ZNF609: variants seen among roughly 807,000 people sequenced by gnomAD.
ZNF609 encodes zinc finger protein 609.
Under a neutral mutation model 109.5 loss-of-function variants are expected in ZNF609, and 11 were observed. That is an observed-to-expected ratio of 0.10 (90% confidence interval 0.06 to 0.17). ZNF609 has a LOEUF of 0.17. Among genes scored for constraint, ZNF609 ranks in the 10% least tolerant of loss-of-function variants. The probability of loss-of-function intolerance (pLI) is 1.00; values close to 1 mark genes in which losing one functional copy is unlikely to be tolerated. For missense variants in ZNF609, 1,559 were observed against 1,772.4 expected (o/e 0.88, Z 2.16); for synonymous variants, 646 against 662.0 (o/e 0.98, Z 0.37).
At chr15:64,563,427 G>C (rs930651505) in intron 2 of ZNF609, among the ~76,000 whole-genome samples, 2 of 151,804 alleles carry the variant, frequency 1.3e-5, no homozygotes, top group Non-Finnish European at 2.9e-5. Context: ...CTCCAGCCTG[G>C]GTGGTGGAAC....
At chr15:64,636,310 C>T in intron 3 of ZNF609, among the ~76,000 whole-genome samples, 1 of 152,262 alleles carries the variant, frequency 6.6e-6, no homozygotes, top group East Asian at 1.9e-4. Context: ...GCCTTCACGG[C>T]CTTCTCCATA....
At chr15:64,625,660 G>A (rs747451001) in intron 3 of ZNF609, among the ~76,000 whole-genome samples, 1 of 151,804 alleles carries the variant, frequency 6.6e-6, no homozygotes, top group Non-Finnish European at 1.5e-5. Context: ...GGAGGCCGAG[G>A]CGGGCGGATC....
intron 1 of ZNF609, among the ~76,000 whole-genome samples, chr15:64,461,667 G>T (rs1892942726): frequency 6.6e-6 from 1 of 152,184 alleles, no homozygotes; most frequent in African/African-American, 2.4e-5. Context: ...AGAGATCAGA[G>T]CCCTTCAGGG....
chr15:64,531,400 T>C (rs1357640164), intron 2 of ZNF609, among the ~76,000 whole-genome samples: 1 of 151,854 alleles, frequency 6.6e-6, no homozygotes, highest in African/African-American at 2.4e-5. Flanking sequence ...TTCCAGACAT[T>C]ATTATTATTA....
chr15:64,614,002 C>T (rs1201053055), intron 2 of ZNF609, among the ~76,000 whole-genome samples: 3 of 150,302 alleles, frequency 2.0e-5, no homozygotes, highest in African/African-American at 7.6e-5. Flanking sequence ...CAGCTCACTG[C>T]AACCTCTGCC....
At chr15:64,477,708 A>G (rs1188722509) in intron 1 of ZNF609, among the ~76,000 whole-genome samples, 2 of 150,640 alleles carry the variant, frequency 1.3e-5, no homozygotes, top group Non-Finnish European at 2.9e-5. Flanking sequence ...AGCTCACTGC[A>G]ACATCTAACT....
At chr15:64,463,508 G>A (rs1480396245) in intron 1 of ZNF609, among the ~76,000 whole-genome samples, 1 of 152,176 alleles carries the variant, frequency 6.6e-6, no homozygotes, top group Non-Finnish European at 1.5e-5. Flanking sequence ...TGTGAGTGGG[G>A]AATTGTATAT....
rs1018623802 is a variant in ZNF609, at chr15:64,621,763, CTTTCTT to C, written c.748-1060_748-1055del. ...TTCTGGTTTTGGAAGCAAATTGCTTCTTTCTTTTTTTTTTTTTTTTGAGACGATCTC... is the reference window on the plus strand; with the variant it reads ...TTCTGGTTTTGGAAGCAAATTGCTTCTTTTTTTTTTTTTTGAGACGATCTC... On this transcript the variant is annotated intron_variant, in intron 2 of 9. Coordinates refer to ENST00000326648, the MANE Select transcript of ZNF609 (RefSeq NM_015042.2). Among the ~76,000 whole-genome samples, 9 of 98,236 alleles carry C rather than the reference CTTTCTT, an allele frequency of 9.2e-5. No individual in the cohort carries two copies. The East Asian group carries it at 2.6e-3, about 28-fold the overall frequency. The allele number at this position is 98,236 out of a possible 152,430, so 64.4% of individuals were successfully genotyped here.
intron 1 of ZNF609, among the ~76,000 whole-genome samples, chr15:64,493,850 G>A (rs916639609): frequency 1.3e-5 from 2 of 152,184 alleles, no homozygotes; most frequent in East Asian, 3.8e-4. Context: ...ACCTCTTGGG[G>A]TTAAACATCT....
At chr15:64,669,827 C>G (rs937886094) in intron 3 of ZNF609, among the ~76,000 whole-genome samples, 1 of 152,074 alleles carries the variant, frequency 6.6e-6, no homozygotes, top group African/African-American at 2.4e-5. Context: ...ACCACTATGC[C>G]CAGCTAATTT....
At chr15:64,516,866 G>A (rs955113698) in intron 2 of ZNF609, among the ~76,000 whole-genome samples, 3 of 151,894 alleles carry the variant, frequency 2.0e-5, no homozygotes, top group African/African-American at 7.3e-5. Context: ...TCAGGCTACC[G>A]AACAATAAGT....
chr15:64,475,585 G>A (rs901326402), intron 1 of ZNF609, among the ~76,000 whole-genome samples: 2 of 151,646 alleles, frequency 1.3e-5, no homozygotes, highest in East Asian at 1.9e-4. Context: ...ACGGGGTTGA[G>A]TTTCACCATC....
intron 1 of ZNF609, among the ~76,000 whole-genome samples, chr15:64,468,347 C>T (rs774291805): frequency 3.3e-5 from 5 of 151,734 alleles, no homozygotes; most frequent in Non-Finnish European, 7.4e-5. Flanking sequence ...GACAGGGTCT[C>T]ACTCTGTTGC....
intron 2 of ZNF609, among the ~76,000 whole-genome samples, chr15:64,504,346 G>C (rs935585497): frequency 6.6e-6 from 1 of 152,212 alleles, no homozygotes; most frequent in African/African-American, 2.4e-5. Context: ...GCATCTCACA[G>C]GTAGTCACTG....
intron 3 of ZNF609, among the ~76,000 whole-genome samples, chr15:64,661,500 G>A (rs1896576002): frequency 6.6e-6 from 1 of 152,156 alleles, no homozygotes; most frequent in South Asian, 2.1e-4. Flanking sequence ...TCCAGTTAGG[G>A]TATAGTTGTC....
At chr15:64,661,069 C>A (rs1238342187) in intron 3 of ZNF609, among the ~76,000 whole-genome samples, 3 of 152,154 alleles carry the variant, frequency 2.0e-5, no homozygotes, top group Non-Finnish European at 4.4e-5. Context: ...TCAAGTGATT[C>A]TCCTGCCTCA....
intron 6 of ZNF609, among the ~76,000 whole-genome samples, chr15:64,679,095 G>A (rs1201171644): frequency 1.3e-5 from 2 of 152,120 alleles, no homozygotes; most frequent in Non-Finnish European, 2.9e-5. Context: ...TTTTTGAGAC[G>A]GAATTTCACT....
At chr15:64,592,962 C>T (rs1161460159) in intron 2 of ZNF609, 12 of 1,003,232 alleles carry the variant, frequency 1.2e-5, no homozygotes, top group East Asian at 4.7e-5. Context: ...TTGCTCTCTC[C>T]GGTCCGTGCC....
intron 3 of ZNF609, among the ~76,000 whole-genome samples, chr15:64,636,945 T>G (rs924353238): frequency 6.6e-6 from 1 of 152,196 alleles, no homozygotes; most frequent in Non-Finnish European, 1.5e-5. Context: ...TGTACGCAAA[T>G]TCTACGTGTG....
Sources: gnomAD v4.1 joint callset for allele counts (sites outside exome capture counted in the v4.1 genomes callset) on GRCh38, gnomAD v4.1.1 for gene constraint, MANE v1.5 for transcripts, NCBI Gene and HGNC (gene_info 2026-07-23, HGNC 2026-07-21) for gene names.